IGSF21: variants seen among roughly 807,000 people sequenced by gnomAD.
IGSF21 encodes the protein immunoglobin superfamily member 21.
IGSF21 carries 28 observed loss-of-function variants against 46.8 expected under a neutral mutation model. That is an observed-to-expected ratio of 0.60 (90% confidence interval 0.44 to 0.82). IGSF21 has a LOEUF of 0.82. Among genes scored for constraint, IGSF21 ranks in the 40% least tolerant of loss-of-function variants. The pLI is 0.00. For missense variants in IGSF21, 624 were observed against 665.5 expected, an observed-to-expected ratio of 0.94 and a Z score of 0.69; for synonymous variants, 284 against 273.6, an observed-to-expected ratio of 1.04 and a Z score of -0.38.
chr1:18,180,017 C>G (rs1235876144), intron 1 of IGSF21, among the ~76,000 whole-genome samples: 2 of 152,188 alleles, frequency 1.3e-5, no homozygotes, highest in Non-Finnish European at 2.9e-5. Context: ...GTGACTCGCT[C>G]TCCCTTCTTC....
At chr1:18,249,833 A>G (rs1018808856) in intron 2 of IGSF21, among the ~76,000 whole-genome samples, 1 of 152,122 alleles carries the variant, frequency 6.6e-6, no homozygotes, top group Non-Finnish European at 1.5e-5. Context: ...GTCAGACTGC[A>G]CCCCAGGCCC....
chr1:18,156,337 G>C (rs767689949), intron 1 of IGSF21, among the ~76,000 whole-genome samples: 2 of 152,228 alleles, frequency 1.3e-5, no homozygotes, highest in African/African-American at 2.4e-5. Flanking sequence ...CGCTGGCCAA[G>C]CTCCGTGCCC....
At chr1:18,264,645 A>G (rs1276528175) in intron 2 of IGSF21, among the ~76,000 whole-genome samples, 1 of 152,244 alleles carries the variant, frequency 6.6e-6, no homozygotes, top group African/African-American at 2.4e-5. Context: ...ACATACCTAC[A>G]GAACATACAG....
At chr1:18,150,674 G>C (rs907638010) in intron 1 of IGSF21, among the ~76,000 whole-genome samples, 11 of 152,172 alleles carry the variant, frequency 7.2e-5, no homozygotes, top group Non-Finnish European at 5.9e-5. Flanking sequence ...TTCCAGAGGG[G>C]ACTCAATCCA....
In IGSF21 at chr1:18,287,176, G is replaced by A. The variant is rs1244465093; in HGVS notation, c.184-4690G>A. On this transcript the variant is annotated intron_variant, in intron 2 of 9. Coordinates refer to ENST00000251296, the MANE Select transcript of IGSF21 (RefSeq NM_032880.5). ...AGCCTGGGCGACAGAGCGAGACTCC[G>A]TCTCAAAAAAAAAAAATAAAATAAA... Among the ~76,000 whole-genome samples, 78 of 65,362 alleles carry A rather than the reference G, an allele frequency of 1.2e-3. 3 individuals carry two copies. The highest frequency in any genetic ancestry group is 0.011 in the Middle Eastern group (1 of 88). 42.9% of individuals were successfully genotyped at this position (65,362 alleles called of 152,430 possible).
chr1:18,108,584 AG>A (rs1462617047), intron 1 of IGSF21, among the ~76,000 whole-genome samples: 2 of 151,150 alleles, frequency 1.3e-5, no homozygotes, highest in Non-Finnish European at 2.9e-5. Flanking sequence ...TGTCTGTGTC[AG>A]TTACATGGAG....
At chr1:18,197,946 G>A (rs988594181) in intron 1 of IGSF21, among the ~76,000 whole-genome samples, 1 of 152,262 alleles carries the variant, frequency 6.6e-6, no homozygotes. Context: ...GAAAGGTGTC[G>A]TAACCTCTCC....
chr1:18,246,625 C>T (rs1038646503), intron 2 of IGSF21, among the ~76,000 whole-genome samples: 1 of 152,180 alleles, frequency 6.6e-6, no homozygotes, highest in Non-Finnish European at 1.5e-5. Flanking sequence ...AGGGAGCTAG[C>T]TCGGTATGTG....
intron 3 of IGSF21, among the ~76,000 whole-genome samples, chr1:18,310,201 A>G (rs1257352728): frequency 1.3e-5 from 2 of 152,180 alleles, no homozygotes; most frequent in African/African-American, 4.8e-5. Flanking sequence ...TTTTATGTTA[A>G]AATATAACAT....
intron 4 of IGSF21, among the ~76,000 whole-genome samples, chr1:18,348,382 TC>T (rs1158244234): frequency 6.6e-6 from 1 of 152,190 alleles, no homozygotes; most frequent in Non-Finnish European, 1.5e-5. Context: ...CCCCTCTTGT[TC>T]CAGAGTCAGA....
At chr1:18,368,646 C>A (rs1348560622) in intron 6 of IGSF21, among the ~76,000 whole-genome samples, 1 of 152,166 alleles carries the variant, frequency 6.6e-6, no homozygotes, top group South Asian at 2.1e-4. Flanking sequence ...TTTTCCAGCC[C>A]TTCACTCCTC....
intron 1 of IGSF21, among the ~76,000 whole-genome samples, chr1:18,158,872 G>C (rs1479912694): frequency 2.0e-5 from 3 of 152,210 alleles, no homozygotes; most frequent in African/African-American, 7.2e-5. Flanking sequence ...TCCTGCCCAG[G>C]CATAGAATCT....
intron 2 of IGSF21, among the ~76,000 whole-genome samples, chr1:18,237,745 G>A (rs952785334): frequency 4.6e-5 from 7 of 152,102 alleles, no homozygotes; most frequent in Non-Finnish European, 4.4e-5. Context: ...TTATTTTTCC[G>A]CTTCTCCTAT....
intron 1 of IGSF21, among the ~76,000 whole-genome samples, chr1:18,130,121 G>A (rs2086305040): frequency 6.6e-6 from 1 of 152,184 alleles, no homozygotes; most frequent in Non-Finnish European, 1.5e-5. Context: ...CTACCTCTGA[G>A]TGACAAAAGC....
chr1:18,213,043 T>C (rs2124492662), intron 1 of IGSF21, among the ~76,000 whole-genome samples: 1 of 152,336 alleles, frequency 6.6e-6, no homozygotes, highest in South Asian at 2.1e-4. Flanking sequence ...GGCCCGGGGC[T>C]TTCTCTTCCC....
intron 1 of IGSF21, among the ~76,000 whole-genome samples, chr1:18,175,697 C>G (rs1302414292): frequency 6.6e-6 from 1 of 152,154 alleles, no homozygotes. Flanking sequence ...CGAGGACTCT[C>G]TCACCAGGAG....
At chr1:18,216,129 A>G (rs976003267) in intron 1 of IGSF21, among the ~76,000 whole-genome samples, 1 of 152,188 alleles carries the variant, frequency 6.6e-6, no homozygotes, top group Non-Finnish European at 1.5e-5. Context: ...TATCAGACTC[A>G]TATCAGTCAA....
chr1:18,293,269 AG>A (rs1476472769), intron 3 of IGSF21, among the ~76,000 whole-genome samples: 1 of 152,230 alleles, frequency 6.6e-6, no homozygotes, highest in Non-Finnish European at 1.5e-5. Context: ...TGGACAACTC[AG>A]GCTACACTCC....
intron 2 of IGSF21, among the ~76,000 whole-genome samples, chr1:18,285,635 T>G (rs1306175544): frequency 2.0e-5 from 3 of 152,128 alleles, no homozygotes; most frequent in Non-Finnish European, 4.4e-5. Flanking sequence ...CTACACAGTG[T>G]AGCTGGTCAT....
Sources: allele counts gnomAD v4.1 joint callset (sites outside exome capture counted in the v4.1 genomes callset), GRCh38; gene constraint gnomAD v4.1.1; transcripts MANE v1.5; gene names NCBI Gene and HGNC (gene_info 2026-07-23, HGNC 2026-07-21).